The following TCF4 variants were observed in gnomAD, a reference collection of about 807,000 sequenced individuals.
The protein encoded by TCF4 is transcription factor 4.
Under a neutral mutation model 82.1 loss-of-function variants are expected in TCF4, and 3 were observed. That is an observed-to-expected ratio of 0.04 (90% confidence interval 0.02 to 0.09). The LOEUF (loss-of-function observed/expected upper bound fraction) is 0.09. Among genes scored for constraint, TCF4 ranks in the 10% least tolerant of loss-of-function variants. The probability of loss-of-function intolerance (pLI) is 1.00; values close to 1 mark genes in which losing one functional copy is unlikely to be tolerated. For missense variants in TCF4, 518 were observed against 852.7 expected (o/e 0.61, Z 4.89); for synonymous variants, 276 against 309.6 (o/e 0.89, Z 1.14).
intron 3 of TCF4, among the ~76,000 whole-genome samples, chr18:55,546,264 G>C (rs79318721): frequency 0.045 from 6,787 of 152,180 alleles, 197 homozygotes; most frequent in Non-Finnish European, 0.072. Context: ...GCTTGAACCT[G>C]GAAATTTCAG....
chr18:55,428,543 T>A (rs2095072735), intron 5 of TCF4, among the ~76,000 whole-genome samples: 4 of 152,226 alleles, frequency 2.6e-5, no homozygotes, highest in Non-Finnish European at 4.4e-5. Context: ...CCTTTCGACC[T>A]AGATATTTTC....
chr18:55,410,564 C>G (rs2958186), intron 5 of TCF4, among the ~76,000 whole-genome samples: 8 of 151,770 alleles, frequency 5.3e-5, no homozygotes, highest in South Asian at 2.1e-4. Flanking sequence ...TTTTTATAGA[C>G]GAAGTCACTA....
intron 8 of TCF4, among the ~76,000 whole-genome samples, chr18:55,286,707 C>G (rs1485177568): frequency 6.6e-6 from 1 of 152,162 alleles, no homozygotes; most frequent in African/African-American, 2.4e-5. Flanking sequence ...AAAACCAAAC[C>G]AAACCACAGG....
chr18:55,230,698 C>T (rs761143641), intron 17 of TCF4: 4 of 152,148 alleles, frequency 2.6e-5, no homozygotes, highest in Non-Finnish European at 5.9e-5. Context: ...AAATTATCTA[C>T]TCAATTAAAT....
At chr18:55,234,916 A>G (rs2048933549) in intron 15 of TCF4, among the ~76,000 whole-genome samples, 1 of 152,214 alleles carries the variant, frequency 6.6e-6, no homozygotes, top group African/African-American at 2.4e-5. Flanking sequence ...AGAGTAGCTC[A>G]GGCAGGTAAA....
chr18:55,523,920 C>G (rs930219730), intron 3 of TCF4, among the ~76,000 whole-genome samples: 2 of 152,046 alleles, frequency 1.3e-5, no homozygotes, highest in Non-Finnish European at 1.5e-5. Context: ...ACCAATATTC[C>G]AATTGTTCTA....
chr18:55,428,829 T>G (rs1311999397), intron 5 of TCF4, among the ~76,000 whole-genome samples: 3 of 152,226 alleles, frequency 2.0e-5, no homozygotes, highest in South Asian at 2.1e-4. Flanking sequence ...GGAGCCTTAT[T>G]GCCTTGAAGG....
At chr18:55,247,222 T>A (rs1386497134) in intron 15 of TCF4, among the ~76,000 whole-genome samples, 2 of 152,254 alleles carry the variant, frequency 1.3e-5, no homozygotes, top group East Asian at 1.9e-4. Context: ...TTCTGGTCAA[T>A]CCCCTCCCCT....
intron 3 of TCF4, among the ~76,000 whole-genome samples, chr18:55,548,463 T>G (rs1243746752): frequency 6.6e-6 from 1 of 152,190 alleles, no homozygotes; most frequent in Non-Finnish European, 1.5e-5. Flanking sequence ...TTTTGATTCC[T>G]CTCACTAACC....
Position 55,226,296 on chromosome 18 carries a change from C to T in TCF4, c.*1739G>A, listed in dbSNP as rs1160844011. The T allele has an allele frequency of 1.3e-5, 2 of 151,940 alleles. No homozygotes were observed. The highest frequency in any genetic ancestry group is 2.9e-5 in the Non-Finnish European group (2 of 67,876). 9.4% of individuals were successfully genotyped at this position (151,940 alleles called of 1,614,324 possible). On this transcript the variant is annotated 3_prime_UTR_variant, in exon 20 of 20. Transcript: ENST00000354452. ...GGATTTTTTTTTTTCTTAATACATG[C>T]CAAGAATTGTGTGGCTGTAAAAATA... is the stretch of plus-strand genomic sequence containing the variant.
chr18:55,437,792 T>C (rs1249339690), intron 5 of TCF4, among the ~76,000 whole-genome samples: 2 of 152,228 alleles, frequency 1.3e-5, no homozygotes, highest in Non-Finnish European at 2.9e-5. Context: ...AGTGCAATCT[T>C]ATTTCTCATG....
chr18:55,386,123 A>G (rs2092583701), intron 6 of TCF4, among the ~76,000 whole-genome samples: 1 of 152,118 alleles, frequency 6.6e-6, no homozygotes, highest in African/African-American at 2.4e-5. Flanking sequence ...CCCTACTCCC[A>G]GCGCCTCCCA....
At chr18:55,598,469 T>C (rs374067018) in intron 2 of TCF4, among the ~76,000 whole-genome samples, 146 of 152,320 alleles carry the variant, frequency 9.6e-4, no homozygotes, top group Middle Eastern at 3.4e-3. Flanking sequence ...ACATGTGCCA[T>C]TGGCCTTTTT....
chr18:55,613,709 G>T (rs1452372137), intron 2 of TCF4, among the ~76,000 whole-genome samples: 1 of 152,176 alleles, frequency 6.6e-6, no homozygotes, highest in Admixed American at 6.5e-5. Flanking sequence ...TGAACAGCTA[G>T]ATCTCACAAG....
At chr18:55,513,353 C>A in intron 3 of TCF4, among the ~76,000 whole-genome samples, 1 of 138,312 alleles carries the variant, frequency 7.2e-6, no homozygotes, top group African/African-American at 2.8e-5. Flanking sequence ...CATGTCTTAT[C>A]ATTCCTAGCC....
intron 8 of TCF4, among the ~76,000 whole-genome samples, chr18:55,298,774 T>C (rs529078547): frequency 1.1e-3 from 174 of 152,252 alleles, no homozygotes; most frequent in African/African-American, 4.1e-3. Flanking sequence ...ATGAAGATTA[T>C]GAAATAGCAA....
At chr18:55,519,473 G>C (rs2096915329) in intron 3 of TCF4, among the ~76,000 whole-genome samples, 1 of 150,740 alleles carries the variant, frequency 6.6e-6, no homozygotes, top group African/African-American at 2.4e-5. Flanking sequence ...TTCTAATGTT[G>C]AGAAACCATT....
intron 6 of TCF4, among the ~76,000 whole-genome samples, chr18:55,369,383 C>A (rs1046672412): frequency 3.3e-5 from 5 of 152,164 alleles, no homozygotes; most frequent in Non-Finnish European, 7.3e-5. Flanking sequence ...AGACACCAGA[C>A]TGAAGGTCAA....
At chr18:55,290,960 A>G (rs2064954971) in intron 8 of TCF4, among the ~76,000 whole-genome samples, 1 of 152,230 alleles carries the variant, frequency 6.6e-6, no homozygotes, top group Admixed American at 6.5e-5. Context: ...ACAAAATTCT[A>G]TCATTAGTCA....
Sources: allele counts gnomAD v4.1 joint callset (sites outside exome capture counted in the v4.1 genomes callset), GRCh38; gene constraint gnomAD v4.1.1; transcripts MANE v1.5; gene names NCBI Gene and HGNC (gene_info 2026-07-23, HGNC 2026-07-21).